Variants in GNAQ observed in about 807,000 individuals in gnomAD.
GNAQ encodes G protein subunit alpha q, also known as guanine nucleotide-binding protein G(q) subunit alpha.
A neutral mutation model predicts 43.9 loss-of-function variants in GNAQ; 8 were observed. The observed-to-expected ratio is 0.18, with a 90% CI of 0.11 to 0.33. The LOEUF is 0.33. Among genes scored for constraint, GNAQ ranks in the 10% least tolerant of loss-of-function variants. The probability of loss-of-function intolerance (pLI) is 1.00; values close to 1 mark genes in which losing one functional copy is unlikely to be tolerated. For missense variants in GNAQ, 158 were observed against 450.8 expected (o/e 0.35, Z 5.88); for synonymous variants, 155 against 170.7 (o/e 0.91, Z 0.71).
At chr9:77,950,908 T>C (rs949405352) in intron 1 of GNAQ, among the ~76,000 whole-genome samples, 1 of 152,100 alleles carries the variant, frequency 6.6e-6, no homozygotes, top group Non-Finnish European at 1.5e-5. Context: ...AAATACTATA[T>C]TGTCATTGAA....
At chr9:77,957,842 T>C (rs1823061650) in intron 1 of GNAQ, among the ~76,000 whole-genome samples, 1 of 152,186 alleles carries the variant, frequency 6.6e-6, no homozygotes, top group African/African-American at 2.4e-5. Flanking sequence ...TTTAGGCACG[T>C]GCTTGTCGCT....
chr9:78,029,330 A>C (rs1322243780), intron 1 of GNAQ, among the ~76,000 whole-genome samples: 1 of 151,942 alleles, frequency 6.6e-6, no homozygotes, highest in Non-Finnish European at 1.5e-5. Flanking sequence ...AGTCTCTCTA[A>C]AATACGTGCG....
chr9:78,016,471 G>A (rs1487364025), intron 1 of GNAQ, among the ~76,000 whole-genome samples: 1 of 152,120 alleles, frequency 6.6e-6, no homozygotes, highest in African/African-American at 2.4e-5. Context: ...GGATCACGAG[G>A]CCAGGAGATC....
chr9:77,885,385 A>C (rs530095044), intron 2 of GNAQ, among the ~76,000 whole-genome samples: 1 of 152,298 alleles, frequency 6.6e-6, no homozygotes, highest in African/African-American at 2.4e-5. Flanking sequence ...CTTTGCTGAA[A>C]AGTGAGGGTA....
At chr9:77,847,890 A>T (rs945712847) in intron 2 of GNAQ, among the ~76,000 whole-genome samples, 1 of 152,222 alleles carries the variant, frequency 6.6e-6, no homozygotes, top group East Asian at 1.9e-4. Flanking sequence ...TGGGGCCTAG[A>T]GATGCCTTTT....
intron 1 of GNAQ, among the ~76,000 whole-genome samples, chr9:77,997,559 A>G (rs1017731679): frequency 2.6e-5 from 4 of 152,278 alleles, no homozygotes; most frequent in Admixed American, 6.5e-5. Flanking sequence ...GGTGCCGGTA[A>G]GTCAGGCGAG....
At chr9:77,916,504 A>G (rs557636223) in intron 2 of GNAQ, among the ~76,000 whole-genome samples, 1 of 152,310 alleles carries the variant, frequency 6.6e-6, no homozygotes, top group Non-Finnish European at 1.5e-5. Flanking sequence ...ATTATTCAGG[A>G]AGTACAGAAA....
chr9:77,880,558 T>G (rs1828192337), intron 2 of GNAQ, among the ~76,000 whole-genome samples: 1 of 150,158 alleles, frequency 6.7e-6, no homozygotes, highest in Non-Finnish European at 1.5e-5. Context: ...TTTTTCTGTT[T>G]TTTTTTTTTT....
intron 2 of GNAQ, among the ~76,000 whole-genome samples, chr9:77,828,442 TC>T (rs1158576730): frequency 2.6e-5 from 4 of 152,052 alleles, no homozygotes; most frequent in Non-Finnish European, 5.9e-5. Flanking sequence ...ATCCTACCCA[TC>T]CTCCTGTAAT....
chr9:77,897,205 A>T (rs1190878333), intron 2 of GNAQ, among the ~76,000 whole-genome samples: 1 of 152,226 alleles, frequency 6.6e-6, no homozygotes, highest in Non-Finnish European at 1.5e-5. Context: ...GATGCCGGGG[A>T]AAATCAGTTT....
chr9:78,023,944 G>GTA (rs1823944098), intron 1 of GNAQ, among the ~76,000 whole-genome samples: 1 of 151,988 alleles, frequency 6.6e-6, no homozygotes, highest in South Asian at 2.1e-4. Context: ...GTATATGTGT[G>GTA]TATATACACA....
chr9:77,821,119 T>A (rs140295666), intron 2 of GNAQ, among the ~76,000 whole-genome samples: 21 of 152,358 alleles, frequency 1.4e-4, no homozygotes, highest in Admixed American at 1.4e-3. Flanking sequence ...TATCCTTTCA[T>A]TAAGACTTCA....
At chr9:77,986,959 T>C (rs1436808229) in intron 1 of GNAQ, among the ~76,000 whole-genome samples, 2 of 152,132 alleles carry the variant, frequency 1.3e-5, no homozygotes, top group African/African-American at 4.8e-5. Flanking sequence ...ATATTGATAA[T>C]GCTTAGCACA....
intron 1 of GNAQ, among the ~76,000 whole-genome samples, chr9:77,996,728 A>C (rs1293064876): frequency 1.3e-5 from 2 of 152,040 alleles, no homozygotes; most frequent in Non-Finnish European, 2.9e-5. Flanking sequence ...CAAATGCAAT[A>C]GTCAGATAAA....
intron 1 of GNAQ, among the ~76,000 whole-genome samples, chr9:77,978,860 A>G (rs967234407): frequency 5.3e-5 from 8 of 152,182 alleles, no homozygotes; most frequent in African/African-American, 1.9e-4. Context: ...GTTCAAGACC[A>G]GCCTGGACAA....
At chr9:77,865,041 G>C (rs1827925781) in intron 2 of GNAQ, among the ~76,000 whole-genome samples, 1 of 152,074 alleles carries the variant, frequency 6.6e-6, no homozygotes. Flanking sequence ...CCTACTAAAA[G>C]AAAATTAACC....
intron 2 of GNAQ, among the ~76,000 whole-genome samples, chr9:77,913,337 TA>T (rs1828840380): frequency 6.6e-6 from 1 of 150,694 alleles, no homozygotes; most frequent in Non-Finnish European, 1.5e-5. Context: ...ATTTATAAAA[TA>T]AAATGTCATA....
chr9:77,844,513 G>C (rs1051858083), intron 2 of GNAQ, among the ~76,000 whole-genome samples: 7 of 152,158 alleles, frequency 4.6e-5, no homozygotes, highest in Middle Eastern at 3.2e-3. Flanking sequence ...TCAACCAGCT[G>C]CTAAGTATAA....
chr9:77,985,666 T>G (rs1295527616), intron 1 of GNAQ, among the ~76,000 whole-genome samples: 1 of 152,000 alleles, frequency 6.6e-6, no homozygotes, highest in African/African-American at 2.4e-5. Context: ...CTTACTGCAA[T>G]CTCTCTGCCT....
Sources: allele counts gnomAD v4.1 joint callset (sites outside exome capture counted in the v4.1 genomes callset), GRCh38; gene constraint gnomAD v4.1.1; transcripts MANE v1.5; gene names NCBI Gene and HGNC (gene_info 2026-07-23, HGNC 2026-07-21).